The following MAN1C1 variants were observed in gnomAD, a reference collection of about 807,000 sequenced individuals.
The protein encoded by MAN1C1 is mannosyl-oligosaccharide 1,2-alpha-mannosidase IC.
MAN1C1 carries 49 observed loss-of-function variants against 71.5 expected under a neutral mutation model. The observed-to-expected ratio is 0.69, with a 90% CI of 0.54 to 0.87. The LOEUF is 0.87. MAN1C1 is among the 40% of genes least tolerant of loss of function. The pLI is 0.00. For missense variants in MAN1C1, 743 were observed against 835.0 expected, an observed-to-expected ratio of 0.89 and a Z score of 1.36; for synonymous variants, 352 against 343.7, an observed-to-expected ratio of 1.02 and a Z score of -0.27.
At chr1:25,620,565 C>T (rs542891125) in intron 1 of MAN1C1, among the ~76,000 whole-genome samples, 67 of 152,256 alleles carry the variant, frequency 4.4e-4, no homozygotes, top group African/African-American at 1.3e-3. Flanking sequence ...ATTCTATCTG[C>T]GTCATGCCCA....
chr1:25,686,255 C>A (rs1006767920), intron 1 of MAN1C1, among the ~76,000 whole-genome samples, 185 bp from the exon 2 acceptor site: 1 of 152,180 alleles, frequency 6.6e-6, no homozygotes, highest in Non-Finnish European at 1.5e-5. Flanking sequence ...GAAGAATGAC[C>A]TTCCCAGCAG....
chr1:25,676,045 G>T (rs1272465066), intron 1 of MAN1C1, among the ~76,000 whole-genome samples: 1 of 152,138 alleles, frequency 6.6e-6, no homozygotes, highest in Non-Finnish European at 1.5e-5. Context: ...TGTTTCTGAC[G>T]TGCCCCCTGG....
intron 2 of MAN1C1, among the ~76,000 whole-genome samples, chr1:25,718,872 A>G (rs1425531664): frequency 6.6e-6 from 1 of 152,100 alleles, no homozygotes; most frequent in African/African-American, 2.4e-5. Context: ...GCTACTATGA[A>G]TAATGCTGCT....
intron 6 of MAN1C1, among the ~76,000 whole-genome samples, chr1:25,762,133 T>C (rs1389243578): frequency 8.8e-5 from 13 of 147,940 alleles, no homozygotes; most frequent in Admixed American, 8.7e-4. Flanking sequence ...TTTTCTTTTT[T>C]TTTTTTTTTT....
At chr1:25,709,389 T>C (rs1202518012) in intron 2 of MAN1C1, among the ~76,000 whole-genome samples, 2 of 152,160 alleles carry the variant, frequency 1.3e-5, no homozygotes, top group African/African-American at 4.8e-5. Flanking sequence ...AGGTACTCAA[T>C]AAATGTCTGC....
chr1:25,751,961 G>A (rs1347828954), intron 4 of MAN1C1, among the ~76,000 whole-genome samples: 1 of 152,110 alleles, frequency 6.6e-6, no homozygotes, highest in Non-Finnish European at 1.5e-5. Context: ...TGCCTGTTGG[G>A]TGGGTCTTTC....
At chr1:25,715,299 CATG>C (rs2046666019) in intron 2 of MAN1C1, among the ~76,000 whole-genome samples, 1 of 152,108 alleles carries the variant, frequency 6.6e-6, no homozygotes, top group Non-Finnish European at 1.5e-5. Flanking sequence ...GCCTAGGTCA[CATG>C]ATCATTCCCA....
At chr1:25,627,431 C>T (rs925413925) in intron 1 of MAN1C1, among the ~76,000 whole-genome samples, 14 of 152,036 alleles carry the variant, frequency 9.2e-5, no homozygotes, top group Admixed American at 3.3e-4. Context: ...TGAGCCACCA[C>T]GCCCAACTAA....
chr1:25,724,785 C>T (rs190535179), intron 2 of MAN1C1, among the ~76,000 whole-genome samples: 2 of 152,274 alleles, frequency 1.3e-5, no homozygotes, highest in Non-Finnish European at 2.9e-5. Flanking sequence ...TGGGGTTCTG[C>T]CACCCTGATT....
chr1:25,692,714 G>A (rs376447832), intron 2 of MAN1C1, among the ~76,000 whole-genome samples: 11 of 152,250 alleles, frequency 7.2e-5, no homozygotes, highest in African/African-American at 2.4e-4. Flanking sequence ...TACAGTGGCC[G>A]CCAAGAACAC....
chr1:25,681,885 A>G (rs771180775), intron 1 of MAN1C1, among the ~76,000 whole-genome samples: 4 of 152,154 alleles, frequency 2.6e-5, no homozygotes, highest in Admixed American at 2.0e-4. Context: ...AGGATTAAAA[A>G]TGATGATCCG....
Position 25,781,007 on chromosome 1 carries a change from C to T in MAN1C1, c.1545C>T (p.Ser515=), listed in dbSNP as rs768404991. The T allele has an allele frequency of 6.1e-5, 98 of 1,614,028 alleles. No individual in the cohort carries two copies. In the South Asian group the frequency reaches 9.3e-4, roughly 15 times the overall value. ...SGREAVATQL[S]ESYYILRPEV... The stretch of plus-strand genomic sequence containing the variant: ...GAGAGGCCGTGGCCACCCAGCTGAG[C>T]GAGAGCTACTACATCCTCCGGCCAG... Residue 515 remains serine (S), a synonymous_variant, in exon 10 of 12, where the codon AGC becomes AGT. Coordinates refer to ENST00000374332, the MANE Select transcript of MAN1C1 (RefSeq NM_020379.4).
intron 2 of MAN1C1, among the ~76,000 whole-genome samples, chr1:25,729,330 T>A (rs2046877619): frequency 6.6e-6 from 1 of 152,164 alleles, no homozygotes; most frequent in South Asian, 2.1e-4. Context: ...CCATCACAGG[T>A]CCATGAGGCT....
intron 1 of MAN1C1, among the ~76,000 whole-genome samples, chr1:25,655,927 C>T (rs1174394818): frequency 5.3e-5 from 8 of 151,820 alleles, no homozygotes; most frequent in Admixed American, 3.3e-4. Flanking sequence ...GGCTGTGGGT[C>T]GGGGAGAGAG....
At chr1:25,664,094 G>A (rs571275886) in intron 1 of MAN1C1, among the ~76,000 whole-genome samples, 7 of 152,290 alleles carry the variant, frequency 4.6e-5, no homozygotes, top group Non-Finnish European at 7.4e-5. Flanking sequence ...TCCCCATAGA[G>A]ACTAGGTTAT....
chr1:25,647,495 G>A (rs1204718625), intron 1 of MAN1C1, among the ~76,000 whole-genome samples: 1 of 152,098 alleles, frequency 6.6e-6, no homozygotes, highest in Non-Finnish European at 1.5e-5. Flanking sequence ...GCTTCACTGG[G>A]CTCCAGTATG....
intron 1 of MAN1C1, among the ~76,000 whole-genome samples, chr1:25,623,947 T>A (rs1042442746): frequency 1.3e-5 from 2 of 152,174 alleles, no homozygotes; most frequent in African/African-American, 4.8e-5. Context: ...GGGACAAGTG[T>A]CATGAGTCAA....
intron 6 of MAN1C1, chr1:25,763,531 A>G (rs897024040): frequency 6.5e-5 from 14 of 214,478 alleles, no homozygotes; most frequent in Admixed American, 2.9e-4. Flanking sequence ...GAATCCCTCA[A>G]AGTACCCCTA....
At chr1:25,675,588 G>GC (rs1553185436) in intron 1 of MAN1C1, among the ~76,000 whole-genome samples, 1 of 139,954 alleles carries the variant, frequency 7.1e-6, no homozygotes. Flanking sequence ...ATTTTGCGGG[G>GC]GGGGGGGGAG....
Sources: allele counts gnomAD v4.1 joint callset (sites outside exome capture counted in the v4.1 genomes callset), GRCh38; gene constraint gnomAD v4.1.1; transcripts MANE v1.5; gene names NCBI Gene and HGNC (gene_info 2026-07-23, HGNC 2026-07-21).